Variants in KLF12 observed in about 807,000 individuals in gnomAD.
KLF12 encodes the protein Krueppel-like factor 12.
In KLF12, 9 loss-of-function variants were observed where a neutral mutation model predicts 37.8. The ratio of observed to expected loss-of-function variants is 0.24; its 90% CI spans 0.14 to 0.42. The LOEUF is 0.42. Among genes scored for constraint, KLF12 ranks in the 10% least tolerant of loss-of-function variants. The probability of loss-of-function intolerance (pLI) is 1.00; values close to 1 mark genes in which losing one functional copy is unlikely to be tolerated. For synonymous variants in KLF12, 208 were observed against 202.1 expected (o/e 1.03, Z -0.25); for missense variants, 411 against 516.0 (o/e 0.80, Z 1.97).
the KLF12 span, among the ~76,000 whole-genome samples, chr13:74,302,868 G>T: frequency 0.01 from 1,535 of 152,260 alleles, 20 homozygotes; most frequent in Middle Eastern, 0.027. Flanking sequence ...GGAAATGAGT[G>T]CTGTGTGCTC....
intron 6 of KLF12, among the ~76,000 whole-genome samples, chr13:73,727,948 C>T (rs959920190): frequency 2.6e-5 from 4 of 152,188 alleles, no homozygotes; most frequent in Non-Finnish European, 4.4e-5. Flanking sequence ...CCACCCGCCT[C>T]GGCCTCCCAA....
intron 2 of KLF12, among the ~76,000 whole-genome samples, chr13:73,968,645 A>C (rs962069318): frequency 6.6e-6 from 1 of 152,234 alleles, no homozygotes; most frequent in African/African-American, 2.4e-5. Context: ...AAGTTTTCTA[A>C]AAGATGATGC....
Position 73,742,512 on chromosome 13 carries a change from C to A in KLF12, c.869+22426G>T, listed in dbSNP as rs188419622. On this transcript the variant is annotated intron_variant, in intron 6 of 7. Transcript: ENST00000377669. The stretch of plus-strand genomic sequence containing the variant: ...GATACTACGCTAAATACTTTACATG[C>A]GTCATTTTATTTAATTCTTCCAACA... Among the ~76,000 whole-genome samples, 862 of 152,210 alleles carry A rather than the reference C, an allele frequency of 5.7e-3. 14 individuals are homozygous for A. Among genetic ancestry groups the A allele is most frequent in the South Asian group, 0.022 (105 of 4,816 alleles).
chr13:74,007,616 G>C (rs1013948759), intron 1 of KLF12, among the ~76,000 whole-genome samples: 4 of 151,984 alleles, frequency 2.6e-5, no homozygotes, highest in African/African-American at 9.7e-5. Flanking sequence ...AGCTAATGTC[G>C]GAGGTTCTAG....
At chr13:73,701,858 C>T (rs534799056) in intron 7 of KLF12, among the ~76,000 whole-genome samples, 37 of 152,172 alleles carry the variant, frequency 2.4e-4, no homozygotes, top group African/African-American at 8.7e-4. Flanking sequence ...AAGAATATGA[C>T]CATTTTCACC....
chr13:73,927,739 G>A (rs1332595299), intron 3 of KLF12, among the ~76,000 whole-genome samples: 7 of 141,306 alleles, frequency 5.0e-5, no homozygotes, highest in Admixed American at 7.0e-5. Context: ...CACCACACCC[G>A]GCTAAATTTT....
the KLF12 span, among the ~76,000 whole-genome samples, chr13:74,208,470 G>C: frequency 6.6e-6 from 1 of 151,924 alleles, no homozygotes; most frequent in Non-Finnish European, 1.5e-5. Flanking sequence ...TATTTTGTCT[G>C]GGAATTTTGC....
At chr13:74,093,099 G>T (rs188469565) in intron 1 of KLF12, among the ~76,000 whole-genome samples, 1 of 152,132 alleles carries the variant, frequency 6.6e-6, no homozygotes, top group African/African-American at 2.4e-5. Context: ...AACTAATCCT[G>T]GAGACCTACC....
the KLF12 span, among the ~76,000 whole-genome samples, chr13:74,153,748 T>C: frequency 6.6e-6 from 1 of 152,182 alleles, no homozygotes; most frequent in Non-Finnish European, 1.5e-5. Context: ...GTCAAGCTAT[T>C]GATTGCCCTT....
chr13:74,000,283 C>T (rs900881199), intron 1 of KLF12, among the ~76,000 whole-genome samples: 2 of 152,142 alleles, frequency 1.3e-5, no homozygotes, highest in Admixed American at 6.5e-5. Context: ...TTCAACCATA[C>T]TTGCTTATAC....
intron 2 of KLF12, among the ~76,000 whole-genome samples, chr13:73,993,516 T>C (rs1053636931): frequency 2.0e-5 from 3 of 152,150 alleles, no homozygotes; most frequent in Admixed American, 6.5e-5. Context: ...AAAAATTTAA[T>C]GACAACTGAA....
intron 1 of KLF12, among the ~76,000 whole-genome samples, chr13:74,088,277 T>A (rs1384397374): frequency 1.3e-5 from 2 of 152,178 alleles, no homozygotes; most frequent in African/African-American, 2.4e-5. Flanking sequence ...ATAGCTTTTT[T>A]TTTTTGAGAC....
intron 4 of KLF12, among the ~76,000 whole-genome samples, chr13:73,818,892 C>T (rs904552727): frequency 5.3e-5 from 8 of 152,206 alleles, no homozygotes; most frequent in East Asian, 1.9e-4. Flanking sequence ...CCTAATTGTT[C>T]GCCCTGCCAA....
At chr13:74,133,236 GCACA>G (rs1429535109) in intron 1 of KLF12, among the ~76,000 whole-genome samples, 1 of 151,876 alleles carries the variant, frequency 6.6e-6, no homozygotes, top group Non-Finnish European at 1.5e-5. Flanking sequence ...TCTCCAGCGC[GCACA>G]CACAGCCCAC....
At chr13:74,212,564 A>G in the KLF12 span, among the ~76,000 whole-genome samples, 1 of 152,204 alleles carries the variant, frequency 6.6e-6, no homozygotes, top group Non-Finnish European at 1.5e-5. Flanking sequence ...GCAATTAAGT[A>G]TTTATGAAAT....
intron 6 of KLF12, among the ~76,000 whole-genome samples, chr13:73,764,225 T>C (rs1879754120): frequency 6.6e-6 from 1 of 152,196 alleles, no homozygotes; most frequent in African/African-American, 2.4e-5. Context: ...TTCTTTTTTT[T>C]CCTTAATAAC....
At chr13:73,833,379 A>G (rs759960115) in intron 4 of KLF12, among the ~76,000 whole-genome samples, 11 of 152,338 alleles carry the variant, frequency 7.2e-5, no homozygotes, top group Non-Finnish European at 1.6e-4. Context: ...ACCACCAAAC[A>G]TTATTCTCTA....
At chr13:74,227,235 CT>C in the KLF12 span, among the ~76,000 whole-genome samples, 2 of 152,064 alleles carry the variant, frequency 1.3e-5, no homozygotes, top group Non-Finnish European at 2.9e-5. Context: ...TGTCACAATC[CT>C]CTTAATCTCA....
the KLF12 span, among the ~76,000 whole-genome samples, chr13:74,164,032 T>C: frequency 6.6e-6 from 1 of 152,134 alleles, no homozygotes; most frequent in Non-Finnish European, 1.5e-5. Context: ...AGGAAAGGTA[T>C]ATCTGGCCAT....
Sources: allele counts gnomAD v4.1 joint callset (sites outside exome capture counted in the v4.1 genomes callset), GRCh38; gene constraint gnomAD v4.1.1; transcripts MANE v1.5; gene names NCBI Gene and HGNC (gene_info 2026-07-23, HGNC 2026-07-21).